USP34: variants seen among roughly 807,000 people sequenced by gnomAD.
USP34 encodes ubiquitin carboxyl-terminal hydrolase 34.
In USP34, 70 loss-of-function variants were observed where a neutral mutation model predicts 460.3. The ratio of observed to expected loss-of-function variants is 0.15; its 90% CI spans 0.13 to 0.19. The LOEUF is 0.19. USP34 is among the 10% of genes least tolerant of loss of function. The probability of loss-of-function intolerance (pLI) is 1.00; values close to 1 mark genes in which losing one functional copy is unlikely to be tolerated. For missense variants in USP34, 3,985 were observed against 4,236.2 expected, an observed-to-expected ratio of 0.94 and a Z score of 1.65; for synonymous variants, 1,647 against 1,405.3, an observed-to-expected ratio of 1.17 and a Z score of -3.85.
At chr2:61,302,931 T>C (rs1009861050) in intron 27 of USP34, among the ~76,000 whole-genome samples, 5 of 152,244 alleles carry the variant, frequency 3.3e-5, no homozygotes, top group Non-Finnish European at 7.3e-5. Context: ...TTGGAATTAC[T>C]GATAGAACAT....
rs369590862 is a variant in USP34 at position 61,348,849 on chromosome 2, G to A, written c.1581C>T (p.Ser527=). 3.3e-5 allele frequency: 54 copies of A among 1,613,414 alleles called. No homozygotes were observed. The highest frequency in any genetic ancestry group is 2.5e-4 in the African/African-American group (19 of 74,866). The stretch of plus-strand genomic sequence containing the variant: ...CACTACCTCCACTTTGATGTGTATC[G>A]CTATTATCACTGCTTTGAGGACTAG... ...PAASPQSSDN[S]DTHQSGGSDI... The change falls in exon 14 of 80, where the codon AGC becomes AGT. Residue 527 remains serine (S), a synonymous_variant. Coordinates refer to ENST00000398571, the MANE Select transcript of USP34 (RefSeq NM_014709.4).
intron 5 of USP34, among the ~76,000 whole-genome samples, chr2:61,389,411 T>C (rs1480351450): frequency 1.3e-5 from 2 of 152,216 alleles, no homozygotes; most frequent in South Asian, 2.1e-4. Flanking sequence ...GGCATAGTTA[T>C]ATCTTTTATT....
Position 61,283,318 on chromosome 2 carries a change from T to C in USP34, c.4874-49A>G, listed in dbSNP as rs372444875. ...TCACTATAAAAGGTTTGTGCTAAAA[T>C]GAAAACACAATGTTCAATATTAAAG... On this transcript the variant is annotated intron_variant, in intron 36 of 79. Coordinates refer to ENST00000398571, the MANE Select transcript of USP34 (RefSeq NM_014709.4). 10 of 1,591,858 alleles carry C rather than the reference T, an allele frequency of 6.3e-6. No homozygotes were observed. In the African/African-American group the frequency reaches 6.8e-5, roughly 11 times the overall value.
intron 71 of USP34, 134 bp downstream of exon 71, chr2:61,206,626 G>T: frequency 8.8e-7 from 1 of 1,139,268 alleles, no homozygotes. Flanking sequence ...ATTTCCTGAT[G>T]GTTAGCTAGC....
intron 2 of USP34, among the ~76,000 whole-genome samples, chr2:61,416,411 G>A (rs528816635): frequency 6.6e-6 from 1 of 152,244 alleles, no homozygotes; most frequent in South Asian, 2.1e-4. Context: ...CCTGGCTGGC[G>A]TCCAGAGTTC....
Position 61,378,347 on chromosome 2 carries a change from T to C in USP34, c.1076+16A>G, listed in dbSNP as rs1016276428. On this transcript the variant is annotated intron_variant, in intron 8 of 79. Transcript: ENST00000398571. ...TAAAATGGTATACTTATATATAAAT[T>C]AATGCTCCTACTTACGTTTCTGTGT... 1.9e-6 allele frequency: 3 copies of C among 1,545,940 alleles called. No individual in the cohort carries two copies. Among genetic ancestry groups the C allele is most frequent in the Admixed American group, 2.0e-5 (1 of 50,892 alleles).
At chr2:61,235,798 A>G (rs1440462678) in intron 57 of USP34, 47 bp downstream of exon 57, 1 of 1,583,040 alleles carries the variant, frequency 6.3e-7, no homozygotes, top group South Asian at 1.2e-5. Flanking sequence ...GGGGGGAAAA[A>G]AAAAAGAATC....
At chr2:61,295,889 C>T (rs369209545) in intron 30 of USP34, among the ~76,000 whole-genome samples, 88 of 152,316 alleles carry the variant, frequency 5.8e-4, no homozygotes, top group African/African-American at 1.8e-3. Context: ...AACATTAGGA[C>T]ATTTATTTTT....
At chr2:61,254,396 A>G (rs1688665695) in intron 48 of USP34, among the ~76,000 whole-genome samples, 4 of 152,220 alleles carry the variant, frequency 2.6e-5, no homozygotes, top group Admixed American at 2.6e-4. Flanking sequence ...AGATAAACCT[A>G]AAACTTGGAT....
intron 1 of USP34, among the ~76,000 whole-genome samples, chr2:61,462,047 G>C (rs1029987991): frequency 6.6e-6 from 1 of 151,436 alleles, no homozygotes; most frequent in African/African-American, 2.4e-5. Context: ...AGACCAGCCT[G>C]GCCAACATGG....
chr2:61,361,842 C>A (rs553537657), intron 10 of USP34, among the ~76,000 whole-genome samples: 1 of 152,166 alleles, frequency 6.6e-6, no homozygotes, highest in African/African-American at 2.4e-5. Context: ...CAAGCTTCTG[C>A]ACAGCAAAGG....
In USP34 at chr2:61,339,277, C is replaced by T. The variant is rs76555970; in HGVS notation, c.2744+74G>A. The T allele has an allele frequency of 5.8e-3, 8,301 of 1,431,574 alleles. 27 individuals are homozygous for T. The highest frequency in any genetic ancestry group is 6.7e-3 in the Non-Finnish European group (7,059 of 1,050,496). The allele number at this position is 1,431,574 out of a possible 1,614,324, so 88.7% of individuals were successfully genotyped here. On this transcript the variant is annotated intron_variant, in intron 18 of 79. Transcript: ENST00000398571. ...ATGAAACAGTATAAAAACATCACAC[C>T]TAGTCAACAAGAATGTCCCCCCACA... is the stretch of plus-strand genomic sequence containing the variant.
chr2:61,265,159 G>T (rs751195842), intron 43 of USP34: 3 of 447,812 alleles, frequency 6.7e-6, no homozygotes, highest in African/African-American at 4.0e-5. Flanking sequence ...TGTATACACT[G>T]AGCATGCATA....
chr2:61,357,813 G>A (rs1388876482), intron 10 of USP34, among the ~76,000 whole-genome samples: 1 of 152,182 alleles, frequency 6.6e-6, no homozygotes, highest in Non-Finnish European at 1.5e-5. Context: ...TAAGGCAGAA[G>A]GACTGCCTGA....
At chr2:61,276,530 C>T (rs1417685998) in intron 41 of USP34, among the ~76,000 whole-genome samples, 2 of 152,074 alleles carry the variant, frequency 1.3e-5, no homozygotes, top group Non-Finnish European at 2.9e-5. Context: ...AAGGCCATCA[C>T]CATAGCATGA....
At chr2:61,367,250 G>A (rs1000389801) in intron 10 of USP34, among the ~76,000 whole-genome samples, 2 of 152,244 alleles carry the variant, frequency 1.3e-5, no homozygotes, top group African/African-American at 4.8e-5. Context: ...CATGCTAGCA[G>A]TATGCGACAC....
intron 67 of USP34, among the ~76,000 whole-genome samples, chr2:61,218,290 T>C (rs1019923645): frequency 6.9e-6 from 1 of 145,446 alleles, no homozygotes; most frequent in Non-Finnish European, 1.5e-5. Context: ...AAGATCCTAT[T>C]ATGGTGGGGT....
At chr2:61,391,290 A>T (rs1193358857) in intron 5 of USP34, among the ~76,000 whole-genome samples, 2 of 152,018 alleles carry the variant, frequency 1.3e-5, no homozygotes, top group Non-Finnish European at 2.9e-5. Flanking sequence ...TACCAGAAAC[A>T]CAAAAATTAG....
chr2:61,442,406 C>CA (rs70963430), intron 1 of USP34, among the ~76,000 whole-genome samples: 43,286 of 121,180 alleles, frequency 0.36, 7,011 homozygotes, highest in Middle Eastern at 0.47. Flanking sequence ...ATCTTAACAG[C>CA]AAAAAAAAAA....
Sources: allele counts gnomAD v4.1 joint callset (sites outside exome capture counted in the v4.1 genomes callset), GRCh38; gene constraint gnomAD v4.1.1; transcripts MANE v1.5; gene names NCBI Gene and HGNC (gene_info 2026-07-23, HGNC 2026-07-21).